VWC2: variants seen among roughly 807,000 people sequenced by gnomAD.
VWC2 encodes the protein brorin.
VWC2 carries 14 observed loss-of-function variants against 29.8 expected under a neutral mutation model. The observed-to-expected ratio is 0.47, with a 90% CI of 0.31 to 0.74. The LOEUF (loss-of-function observed/expected upper bound fraction) is 0.74, where lower values mean the gene tolerates loss of function less well. Among genes scored for constraint, VWC2 ranks in the 30% least tolerant of loss-of-function variants. VWC2 has a pLI of 0.05. For missense variants in VWC2, 457 were observed against 459.8 expected (o/e 0.99, Z 0.05); for synonymous variants, 213 against 199.0 (o/e 1.07, Z -0.59).
intron 2 of VWC2, among the ~76,000 whole-genome samples, chr7:49,787,462 A>T (rs1161391932): frequency 6.6e-6 from 1 of 152,180 alleles, no homozygotes; most frequent in African/African-American, 2.4e-5. Context: ...ATATGCCAGG[A>T]GCTAAACCTC....
At chr7:49,877,654 C>A (rs1472098585) in intron 3 of VWC2, among the ~76,000 whole-genome samples, 1 of 149,028 alleles carries the variant, frequency 6.7e-6, no homozygotes, top group East Asian at 2.0e-4. Context: ...TGATGATTTA[C>A]CTGTTGTGGT....
chr7:49,886,674 G>T (rs915075466), intron 3 of VWC2, among the ~76,000 whole-genome samples: 2 of 152,034 alleles, frequency 1.3e-5, no homozygotes, highest in Admixed American at 6.5e-5. Flanking sequence ...TGTCAGAGGG[G>T]TTTGTTGTAC....
intron 3 of VWC2, among the ~76,000 whole-genome samples, chr7:49,896,473 T>C (rs1448626671): frequency 6.6e-6 from 1 of 152,022 alleles, no homozygotes; most frequent in Non-Finnish European, 1.5e-5. Flanking sequence ...AAGTTCCTAC[T>C]TGAAGAAACT....
intron 3 of VWC2, among the ~76,000 whole-genome samples, chr7:49,865,505 G>A (rs529774536): frequency 6.6e-6 from 1 of 152,306 alleles, no homozygotes; most frequent in South Asian, 2.1e-4. Context: ...CTGGGCTGGT[G>A]TGGTCTCTGG....
chr7:49,885,575 C>T (rs1047921659), intron 3 of VWC2, among the ~76,000 whole-genome samples: 2 of 152,158 alleles, frequency 1.3e-5, no homozygotes, highest in Admixed American at 6.5e-5. Flanking sequence ...TCAATTCAGT[C>T]TCCTAAACAG....
chr7:49,824,802 AAATTT>A (rs1789355135), intron 3 of VWC2, among the ~76,000 whole-genome samples: 1 of 152,280 alleles, frequency 6.6e-6, no homozygotes, highest in East Asian at 1.9e-4. Flanking sequence ...GGAAATGTTT[AAATTT>A]AATTTCAATT....
chr7:49,870,183 G>A (rs1791084508), intron 3 of VWC2, among the ~76,000 whole-genome samples: 1 of 152,088 alleles, frequency 6.6e-6, no homozygotes, highest in Non-Finnish European at 1.5e-5. Flanking sequence ...GGCGGATCAC[G>A]AGGTCAGGAG....
intron 2 of VWC2, among the ~76,000 whole-genome samples, chr7:49,788,473 G>C (rs367743113): frequency 6.6e-6 from 1 of 151,662 alleles, no homozygotes; most frequent in African/African-American, 2.4e-5. Context: ...GTGTGTGAGA[G>C]AGAGTGTGTG....
intron 1 of VWC2, among the ~76,000 whole-genome samples, chr7:49,774,350 A>T (rs1376079957): frequency 1.3e-5 from 2 of 151,988 alleles, no homozygotes; most frequent in African/African-American, 4.8e-5. Context: ...GGGGGAGGGG[A>T]CAGACGCACC....
intron 2 of VWC2, among the ~76,000 whole-genome samples, chr7:49,790,694 G>A (rs922330287): frequency 6.6e-6 from 1 of 151,818 alleles, no homozygotes; most frequent in African/African-American, 2.4e-5. Flanking sequence ...GCACCTCCCA[G>A]CCCTCAGGGG....
intron 3 of VWC2, among the ~76,000 whole-genome samples, chr7:49,805,248 A>G (rs1788850223): frequency 1.3e-5 from 2 of 152,172 alleles, no homozygotes; most frequent in African/African-American, 4.8e-5. Flanking sequence ...CTTTAACTCT[A>G]TATTTTGAGA....
In VWC2 at chr7:49,802,747, G is replaced by A. The variant is rs769484078; in HGVS notation, c.733G>A (p.Gly245Ser). The part of the protein sequence containing the change: ...PCERCRCEAN[G>S]EVLCTVSACP... Reference sequence around the variant, plus strand: ...CGAGAGGTGTCGCTGTGAAGCCAACGGTGAGGTGCTATGCACAGTGTCAGC... The same window carrying A: ...CGAGAGGTGTCGCTGTGAAGCCAACAGTGAGGTGCTATGCACAGTGTCAGC... Residue 245 changes from glycine (G) to serine (S), a missense_variant, in exon 3 of 4, where the codon GGT becomes AGT. Physicochemically the swap from Gly to Ser is moderately conservative, Grantham distance 56. Around this residue, in one of 2 missense-constraint regions of VWC2, gnomAD observed 185 missense variants for 257.1 expected, o/e 0.72. Coordinates refer to ENST00000340652, the MANE Select transcript of VWC2 (RefSeq NM_198570.5). The A allele has an allele frequency of 1.1e-5, 18 of 1,614,084 alleles. No individual in the cohort carries two copies. Among genetic ancestry groups the A allele is most frequent in the African/African-American group, 5.3e-5 (4 of 74,916 alleles).
Position 49,871,672 on chromosome 7 carries a change from ATGATAC to A in VWC2, c.827-40359_827-40354del, listed in dbSNP as rs578195326. Among the ~76,000 whole-genome samples the A allele has an allele frequency of 5.3e-5, 8 of 152,252 alleles. No individual in the cohort carries two copies. The South Asian group carries it at 1.5e-3, about 28-fold the overall frequency. ...ATGTCATGGAAAGAAACATACTAGG[ATGATAC>A]TGTTGTTCTGTGCAAATGTTGGGCA... On this transcript the variant is annotated intron_variant, in intron 3 of 3. Transcript: ENST00000340652.
chr7:49,788,522 G>C (rs554288477), intron 2 of VWC2, among the ~76,000 whole-genome samples: 2 of 149,770 alleles, frequency 1.3e-5, no homozygotes, highest in South Asian at 4.3e-4. Flanking sequence ...TGTGAGTGTG[G>C]GTGTGAGACA....
At chr7:49,812,004 T>G (rs1458510353) in intron 3 of VWC2, among the ~76,000 whole-genome samples, 2 of 152,178 alleles carry the variant, frequency 1.3e-5, no homozygotes, top group East Asian at 3.8e-4. Flanking sequence ...TAAAAAGGAA[T>G]GAACTAATGA....
intron 3 of VWC2, among the ~76,000 whole-genome samples, chr7:49,803,559 C>A (rs11980121): frequency 0.11 from 16,762 of 152,224 alleles, 993 homozygotes; most frequent in African/African-American, 0.13. Flanking sequence ...CCGGAGTCTA[C>A]AAGGATCTGA....
intron 3 of VWC2, among the ~76,000 whole-genome samples, chr7:49,856,243 G>T (rs1367353857): frequency 6.6e-6 from 1 of 152,182 alleles, no homozygotes; most frequent in Non-Finnish European, 1.5e-5. Flanking sequence ...GGTGGATTCT[G>T]CATGAATGGC....
At chr7:49,780,299 T>G (rs1417154308) in intron 2 of VWC2, among the ~76,000 whole-genome samples, 1 of 152,166 alleles carries the variant, frequency 6.6e-6, no homozygotes, top group Non-Finnish European at 1.5e-5. Flanking sequence ...GAATGGATCC[T>G]TGTGTCACAG....
At chr7:49,784,136 G>A (rs528309434) in intron 2 of VWC2, among the ~76,000 whole-genome samples, 102 of 152,232 alleles carry the variant, frequency 6.7e-4, no homozygotes, top group Admixed American at 2.7e-3. Flanking sequence ...TAAATTGATG[G>A]GGTACTGTGT....
Sources: allele counts gnomAD v4.1 joint callset (sites outside exome capture counted in the v4.1 genomes callset), GRCh38; gene constraint gnomAD v4.1.1; regional missense constraint gnomAD v4.1.1; transcripts MANE v1.5; gene names NCBI Gene and HGNC (gene_info 2026-07-23, HGNC 2026-07-21).